The following EYS variants were observed in gnomAD, a reference collection of about 807,000 sequenced individuals.
EYS encodes the protein protein eyes shut homolog.
EYS carries 250 observed loss-of-function variants against 282.1 expected under a neutral mutation model. The observed-to-expected ratio is 0.89, with a 90% CI of 0.80 to 0.98. The LOEUF (loss-of-function observed/expected upper bound fraction) is 0.98. Among genes scored for constraint, EYS ranks in the 50% least tolerant of loss-of-function variants. EYS has a pLI of 0.00. For missense variants in EYS, 4,016 were observed against 3,709.0 expected, an observed-to-expected ratio of 1.08 and a Z score of -2.15; for synonymous variants, 1,355 against 1,282.9, an observed-to-expected ratio of 1.06 and a Z score of -1.20.
At chr6:65,573,169 A>G (rs1200817309) in intron 2 of EYS, among the ~76,000 whole-genome samples, 3 of 152,180 alleles carry the variant, frequency 2.0e-5, no homozygotes, top group Non-Finnish European at 2.9e-5. Flanking sequence ...AACTATAGAC[A>G]GCTATTCAAA....
At chr6:65,512,742 G>A (rs766834141) in intron 2 of EYS, among the ~76,000 whole-genome samples, 75 of 152,014 alleles carry the variant, frequency 4.9e-4, no homozygotes, top group Non-Finnish European at 9.9e-4. Flanking sequence ...TGAAACCAAC[G>A]AGAACAAAGA....
chr6:64,678,774 C>CTGGT (rs1583030769), intron 22 of EYS, among the ~76,000 whole-genome samples: 1 of 151,938 alleles, frequency 6.6e-6, no homozygotes, highest in East Asian at 1.9e-4. Flanking sequence ...CAATTGAGGT[C>CTGGT]TGGTGTTCAA....
At chr6:63,912,895 G>A (rs72872869) in intron 35 of EYS, among the ~76,000 whole-genome samples, 57 of 151,526 alleles carry the variant, frequency 3.8e-4, no homozygotes, top group African/African-American at 1.3e-3. Flanking sequence ...CCTCAGAACT[G>A]TGAGCCAATT....
intron 29 of EYS, among the ~76,000 whole-genome samples, chr6:64,368,838 C>T (rs1319047417): frequency 2.0e-5 from 3 of 151,960 alleles, no homozygotes; most frequent in African/African-American, 7.3e-5. Context: ...CAAATATTTT[C>T]CCTCATTCTG....
At chr6:64,238,912 C>A (rs931893023) in intron 30 of EYS, among the ~76,000 whole-genome samples, 1 of 152,146 alleles carries the variant, frequency 6.6e-6, no homozygotes, top group African/African-American at 2.4e-5. Context: ...AGCTCCCCAT[C>A]CCCTGACAAG....
chr6:64,661,806 A>C (rs1406682319), intron 22 of EYS, among the ~76,000 whole-genome samples: 2 of 136,590 alleles, frequency 1.5e-5, no homozygotes, highest in Non-Finnish European at 1.6e-5. Flanking sequence ...TAGTTCAACC[A>C]TTGTGGAATT....
intron 19 of EYS, among the ~76,000 whole-genome samples, chr6:64,859,649 T>A (rs1464949685): frequency 6.6e-6 from 1 of 152,166 alleles, no homozygotes; most frequent in Non-Finnish European, 1.5e-5. Context: ...CAACCTCTCT[T>A]CTCTTGTCTG....
At chr6:65,549,611 G>C (rs1260350465) in intron 2 of EYS, among the ~76,000 whole-genome samples, 1 of 152,098 alleles carries the variant, frequency 6.6e-6, no homozygotes, top group Non-Finnish European at 1.5e-5. Context: ...ACAGAGAAGG[G>C]CTTATATTTA....
At chr6:63,846,501 G>T (rs1303066453) in intron 36 of EYS, among the ~76,000 whole-genome samples, 1 of 152,180 alleles carries the variant, frequency 6.6e-6, no homozygotes, top group Non-Finnish European at 1.5e-5. Context: ...AATACCCTTG[G>T]CCACTTTAGA....
intron 22 of EYS, among the ~76,000 whole-genome samples, chr6:64,676,338 CTATA>C (rs1229565212): frequency 8.0e-6 from 1 of 125,142 alleles, no homozygotes; most frequent in African/African-American, 3.1e-5. Flanking sequence ...ATCTATATAT[CTATA>C]TATATATATA....
chr6:64,793,990 C>T (rs1462803610), intron 22 of EYS, among the ~76,000 whole-genome samples: 1 of 152,120 alleles, frequency 6.6e-6, no homozygotes, highest in Non-Finnish European at 1.5e-5. Context: ...AACAGCAGCT[C>T]CCCATTTTTT....
intron 14 of EYS, among the ~76,000 whole-genome samples, chr6:64,958,474 G>T (rs574706335): frequency 1.6e-4 from 25 of 152,102 alleles, no homozygotes; most frequent in Non-Finnish European, 3.2e-4. Context: ...CAGGCCGGGC[G>T]CGGTGGCTCA....
chr6:64,251,354 G>A (rs1260307444), intron 30 of EYS, among the ~76,000 whole-genome samples: 1 of 152,110 alleles, frequency 6.6e-6, no homozygotes, highest in Non-Finnish European at 1.5e-5. Context: ...GTGAGAATAT[G>A]TGGACCTCAG....
intron 35 of EYS, among the ~76,000 whole-genome samples, chr6:63,917,918 G>GT (rs1427817958): frequency 5.9e-5 from 9 of 152,188 alleles, no homozygotes; most frequent in Admixed American, 3.9e-4. Flanking sequence ...CCATGCATTA[G>GT]TTTGGGGTAC....
chr6:64,211,355 CTT>C (rs1157493174), intron 31 of EYS, among the ~76,000 whole-genome samples: 2 of 152,040 alleles, frequency 1.3e-5, no homozygotes, highest in Non-Finnish European at 2.9e-5. Context: ...AGAAAAATAA[CTT>C]TTTATTGGGT....
intron 28 of EYS, among the ~76,000 whole-genome samples, chr6:64,432,609 TAATAC>T (rs1774608773): frequency 6.6e-6 from 1 of 151,612 alleles, no homozygotes; most frequent in South Asian, 2.1e-4. Context: ...ATTAAAAACT[TAATAC>T]AATACACATG....
chr6:63,838,468 A>G (rs529455923), intron 36 of EYS, among the ~76,000 whole-genome samples: 1 of 152,178 alleles, frequency 6.6e-6, no homozygotes, highest in Non-Finnish European at 1.5e-5. Context: ...CTCCAGAGAC[A>G]GTCGGCATCT....
intron 5 of EYS, among the ~76,000 whole-genome samples, chr6:65,411,264 A>G (rs1562162201): frequency 6.6e-6 from 1 of 152,104 alleles, no homozygotes; most frequent in East Asian, 1.9e-4. Context: ...TCTTCCAGAA[A>G]CAAACAAAAT....
intron 14 of EYS, among the ~76,000 whole-genome samples, chr6:64,949,263 G>A (rs966409706): frequency 4.0e-5 from 6 of 151,770 alleles, no homozygotes; most frequent in African/African-American, 9.7e-5. Context: ...CTTTGCTTTC[G>A]GTCTCACCAT....
Sources: allele counts gnomAD v4.1 joint callset (sites outside exome capture counted in the v4.1 genomes callset), GRCh38; gene constraint gnomAD v4.1.1; transcripts MANE v1.5; gene names NCBI Gene and HGNC (gene_info 2026-07-23, HGNC 2026-07-21).